The following ALK variants were observed in gnomAD, a reference collection of about 807,000 sequenced individuals.
The protein encoded by ALK is ALK receptor tyrosine kinase, also known as ALK tyrosine kinase receptor.
In ALK, 74 loss-of-function variants were observed where a neutral mutation model predicts 163.1. The ratio of observed to expected loss-of-function variants is 0.45; its 90% confidence interval spans 0.38 to 0.55. The LOEUF is 0.55. ALK is among the 20% of genes least tolerant of loss of function. ALK has a pLI of 0.00. For missense variants in ALK, 2,063 were observed against 2,105.3 expected, an observed-to-expected ratio of 0.98 and a Z score of 0.39; for synonymous variants, 960 against 843.2, an observed-to-expected ratio of 1.14 and a Z score of -2.40.
rs191554614 is a variant in ALK, at chr2:29,482,345, T to C, written c.1154+49570A>G. ...TGCAAGAATTTCTGGTGTCTAGTTCTAGGATTCTGTGTATGAAAGTGGACT... is the reference window on the plus strand; with the variant it reads ...TGCAAGAATTTCTGGTGTCTAGTTCCAGGATTCTGTGTATGAAAGTGGACT... On this transcript the variant is annotated intron_variant, in intron 4 of 28. Coordinates refer to ENST00000389048, the MANE Select transcript of ALK (RefSeq NM_004304.5). Among the ~76,000 whole-genome samples the C allele has an allele frequency of 9.2e-5, 14 of 152,332 alleles. No homozygotes were observed. In the East Asian group the frequency reaches 2.7e-3, roughly 29 times the overall value.
At chr2:29,268,827 G>C (rs1449629543) in intron 11 of ALK, among the ~76,000 whole-genome samples, 1 of 152,166 alleles carries the variant, frequency 6.6e-6, no homozygotes, top group Non-Finnish European at 1.5e-5. Context: ...AGTGGGTCAA[G>C]TCACATAATC....
At position 29,387,555 on chromosome 2, in the gene ALK, C is replaced by T. The variant is rs553969183; in HGVS notation, c.1155-3696G>A. Among the ~76,000 whole-genome samples, 7 of 152,288 alleles carry T rather than the reference C, an allele frequency of 4.6e-5. No individual in the cohort carries two copies. In the East Asian group the frequency reaches 1.4e-3, roughly 29 times the overall value. On this transcript the variant is annotated intron_variant, in intron 4 of 28. Transcript: ENST00000389048. ...TTGCGTGGGCTTGGGCAAGTCCCTG[C>T]ACCTCTTTGGGTTTTAGTTTCCTCA...
chr2:29,430,742 T>C (rs1215358158), intron 4 of ALK, among the ~76,000 whole-genome samples: 1 of 152,238 alleles, frequency 6.6e-6, no homozygotes, highest in East Asian at 1.9e-4. Context: ...TAATGAATAC[T>C]GTTTAATGAA....
intron 9 of ALK, among the ~76,000 whole-genome samples, chr2:29,283,424 C>T (rs1484504601): frequency 6.6e-6 from 1 of 152,144 alleles, no homozygotes; most frequent in African/African-American, 2.4e-5. Flanking sequence ...TTGGAACACA[C>T]AAACATTTCC....
At chr2:29,221,740 C>T (rs946631842) in intron 22 of ALK, among the ~76,000 whole-genome samples, 7 of 152,212 alleles carry the variant, frequency 4.6e-5, no homozygotes, top group Non-Finnish European at 8.8e-5. Flanking sequence ...TCAGGACGTT[C>T]AGAGTCTTCC....
chr2:29,913,641 C>T (rs968011095), intron 1 of ALK, among the ~76,000 whole-genome samples: 9 of 152,180 alleles, frequency 5.9e-5, no homozygotes, highest in African/African-American at 2.2e-4. Context: ...CTTTTGGAGG[C>T]AATGGCTCAG....
At chr2:29,476,882 A>T (rs1194546019) in intron 4 of ALK, among the ~76,000 whole-genome samples, 1 of 151,972 alleles carries the variant, frequency 6.6e-6, no homozygotes, top group African/African-American at 2.4e-5. Flanking sequence ...GTTACTAATG[A>T]CTCTCTGGGT....
chr2:29,248,435 C>T (rs986113161), intron 12 of ALK, among the ~76,000 whole-genome samples: 2 of 152,216 alleles, frequency 1.3e-5, no homozygotes, highest in African/African-American at 4.8e-5. Flanking sequence ...TGCACCCCAG[C>T]CTGGGCAACA....
chr2:29,296,816 G>A (rs1010694999), intron 9 of ALK, 72 bp downstream of exon 9: 3 of 1,599,502 alleles, frequency 1.9e-6, no homozygotes, highest in Non-Finnish European at 1.7e-6. Context: ...CACGGGGAAA[G>A]GGAAGGCATG....
At chr2:29,493,432 G>C (rs1671951220) in intron 4 of ALK, among the ~76,000 whole-genome samples, 1 of 152,178 alleles carries the variant, frequency 6.6e-6, no homozygotes, top group African/African-American at 2.4e-5. Flanking sequence ...TCCCATAACA[G>C]AATGAGCTGT....
Position 29,829,984 on chromosome 2 carries a change from A to G in ALK, c.667+90009T>C, listed in dbSNP as rs574529339. Among the ~76,000 whole-genome samples the G allele has an allele frequency of 6.3e-4, 96 of 152,286 alleles. 1 individual carries two copies. The highest frequency in any genetic ancestry group is 2.2e-3 in the African/African-American group (91 of 41,554). On this transcript the variant is annotated intron_variant, in intron 1 of 28. Transcript: ENST00000389048. ...TGCCATAATTTGCTGTCTCTCTGCAAGGTTTTGCTCTCCATTCTGGGCATC... is the reference window on the plus strand; with the variant it reads ...TGCCATAATTTGCTGTCTCTCTGCAGGGTTTTGCTCTCCATTCTGGGCATC...
At chr2:29,715,645 C>G (rs1446175427) in intron 2 of ALK, among the ~76,000 whole-genome samples, 1 of 152,204 alleles carries the variant, frequency 6.6e-6, no homozygotes, top group African/African-American at 2.4e-5. Context: ...TTGGGGCATT[C>G]TGCATTTTAT....
At chr2:29,322,512 T>A (rs4666204) in intron 6 of ALK, among the ~76,000 whole-genome samples, 3 of 152,154 alleles carry the variant, frequency 2.0e-5, no homozygotes, top group African/African-American at 7.2e-5. Flanking sequence ...GACCTTCTCA[T>A]GGAGTGTCCT....
At chr2:29,773,737 C>T (rs978240929) in intron 1 of ALK, among the ~76,000 whole-genome samples, 1 of 152,256 alleles carries the variant, frequency 6.6e-6, no homozygotes, top group Admixed American at 6.5e-5. Context: ...TTTGTTTCAT[C>T]AACTTCCCTA....
intron 6 of ALK, among the ~76,000 whole-genome samples, chr2:29,321,484 T>C (rs1205029317): frequency 6.6e-6 from 1 of 152,274 alleles, no homozygotes; most frequent in African/African-American, 2.4e-5. Flanking sequence ...TGCAGTTAAG[T>C]GAAGACATAT....
At chr2:29,351,839 G>A (rs181682644) in intron 5 of ALK, among the ~76,000 whole-genome samples, 123 of 152,294 alleles carry the variant, frequency 8.1e-4, no homozygotes, top group Middle Eastern at 3.4e-3. Context: ...AGAGAGAGAA[G>A]TGGCACTTAA....
Position 29,383,731 on chromosome 2 carries a change from C to T in ALK, c.1282+1G>A. The stretch of plus-strand genomic sequence containing the variant: ...AGCGTGGGAAAGCCAGATTCAGATA[C>T]CTTCACTGCAGTTCTTCAGGGCAAA... On this transcript the variant is annotated splice_donor_variant, in intron 5 of 28. Coordinates refer to ENST00000389048, the MANE Select transcript of ALK (RefSeq NM_004304.5). LOFTEE classifies it high-confidence loss of function. 4 of 1,614,090 alleles carry T rather than the reference C, an allele frequency of 2.5e-6. No individual in the cohort carries two copies. The highest frequency in any genetic ancestry group is 3.4e-6 in the Non-Finnish European group (4 of 1,179,976).
chr2:29,816,730 G>A (rs561547410), intron 1 of ALK, among the ~76,000 whole-genome samples: 4 of 152,278 alleles, frequency 2.6e-5, no homozygotes, highest in South Asian at 2.1e-4. Flanking sequence ...GCAATTGGCT[G>A]TGCCTCTCTG....
At chr2:29,608,869 G>A (rs1675611993) in intron 3 of ALK, among the ~76,000 whole-genome samples, 1 of 152,142 alleles carries the variant, frequency 6.6e-6, no homozygotes, top group African/African-American at 2.4e-5. Flanking sequence ...TATCTTGGGT[G>A]GTTTGTGAGG....
Sources: allele counts gnomAD v4.1 joint callset (sites outside exome capture counted in the v4.1 genomes callset), GRCh38; gene constraint gnomAD v4.1.1; transcripts MANE v1.5; gene names NCBI Gene and HGNC (gene_info 2026-07-23, HGNC 2026-07-21).